The following CUBN variants were observed in gnomAD, a reference collection of about 807,000 sequenced individuals.
The protein encoded by CUBN is 460 kDa receptor.
In CUBN, 282 loss-of-function variants were observed where a neutral mutation model predicts 405.3. The observed-to-expected ratio is 0.70, with a 90% CI of 0.63 to 0.77. The LOEUF (loss-of-function observed/expected upper bound fraction) is 0.77. Among genes scored for constraint, CUBN ranks in the 30% least tolerant of loss-of-function variants. The probability of loss-of-function intolerance (pLI) is 0.00; values close to 1 mark genes in which losing one functional copy is unlikely to be tolerated. For synonymous variants in CUBN, 1,684 were observed against 1,617.0 expected, an observed-to-expected ratio of 1.04 and a Z score of -0.99; for missense variants, 4,514 against 4,475.2, an observed-to-expected ratio of 1.01 and a Z score of -0.25.
chr10:16,949,881 T>G (rs1430141047), intron 34 of CUBN, 120 bp downstream of exon 34: 4 of 775,518 alleles, frequency 5.2e-6, no homozygotes, highest in Non-Finnish European at 9.0e-6. Context: ...TTATTTGGCT[T>G]AGGCTGCTCT....
intron 56 of CUBN, among the ~76,000 whole-genome samples, chr10:16,885,444 T>A (rs2131391233): frequency 6.6e-6 from 1 of 152,270 alleles, no homozygotes; most frequent in Admixed American, 6.5e-5. Flanking sequence ...ATATAATAAA[T>A]ATATATTAGA....
rs1841364275 is a variant in CUBN at position 16,901,426 on chromosome 10, A to T, written c.8096T>A (p.Val2699Glu). 1 of 1,613,864 alleles carries T rather than the reference A, an allele frequency of 6.2e-7. No homozygotes were observed. ...CGGIQIGDSG[V>E]ITSPNYPNAY... ...ATTTGGATAGTTGGGGCTTGTGATC[A>T]CTCCACTGTCACCTATCTGTATTCC... is the stretch of plus-strand genomic sequence containing the variant. Residue 2699 changes from valine (V) to glutamate (E), a missense_variant, in exon 52 of 67, where the codon GTG (valine) becomes GAG (glutamate). Physicochemically the swap from Val to Glu is moderately radical, Grantham distance 121. This residue lies in a region of CUBN where 1,186 missense variants were observed against 1,186.9 expected (regional missense o/e 1.00). Transcript: ENST00000377833.
chr10:16,825,084 TA>T lies in CUBN; in HGVS notation c.10765-3del. 1 of 1,604,822 alleles carries T rather than the reference TA, an allele frequency of 6.2e-7. No homozygotes were observed. The highest frequency in any genetic ancestry group is 8.5e-7 in the Non-Finnish European group (1 of 1,172,508). On this transcript the variant is annotated splice_region_variant and splice_polypyrimidine_tract_variant and intron_variant, in intron 66 of 66. Coordinates refer to ENST00000377833, the MANE Select transcript of CUBN (RefSeq NM_001081.4). Reference sequence around the variant, plus strand: ...CACGAAGGGAGCTATGCTGGTGTCCTAAAATTGAAAAAAAAAGTATCCAATT... The same window carrying T: ...CACGAAGGGAGCTATGCTGGTGTCCTAAATTGAAAAAAAAAGTATCCAATT...
intron 14 of CUBN, among the ~76,000 whole-genome samples, chr10:17,099,470 GT>G (rs1186830453): frequency 2.0e-5 from 3 of 152,130 alleles, no homozygotes; most frequent in African/African-American, 7.2e-5. Flanking sequence ...TAAGACTCAT[GT>G]TTTTTAATCC....
At chr10:17,087,472 C>CTTTGTTTTTTT (rs1202786680) in intron 15 of CUBN, among the ~76,000 whole-genome samples, 1 of 71,712 alleles carries the variant, frequency 1.4e-5, no homozygotes. Context: ...TTTTCTTTTT[C>CTTTGTTTTTTT]TTTTTTTTTT....
intron 14 of CUBN, among the ~76,000 whole-genome samples, chr10:17,099,298 G>C (rs892955080): frequency 1.3e-5 from 2 of 152,010 alleles, no homozygotes; most frequent in Admixed American, 6.6e-5. Flanking sequence ...AAAGAAAATA[G>C]AATAATTAAA....
In CUBN at chr10:16,828,887, G is replaced by A; in HGVS notation, c.10682C>T (p.Pro3561Leu). 1 of 1,614,130 alleles carries A rather than the reference G, an allele frequency of 6.2e-7. No homozygotes were observed. The highest frequency in any genetic ancestry group is 1.3e-5 in the African/African-American group (1 of 75,026). The change falls in exon 66 of 67, where the codon CCA (proline) becomes CTA (leucine). Residue 3561 changes from proline (P) to leucine (L), a missense_variant. Around this residue, in one of 5 missense-constraint regions of CUBN, gnomAD observed 1,186 missense variants for 1,186.9 expected, o/e 1.00. Transcript: ENST00000377833. ...INFYFISIDD[P>L]GDCVQNYLTL... is the part of the protein sequence containing the mutation. ...GAGATAGTTCTGGACACAGTCTCCT[G>A]GATCGTCAATGCTGATGAAGTAGAA...
At chr10:17,037,645 T>C (rs1345990391) in intron 27 of CUBN, among the ~76,000 whole-genome samples, 1 of 152,138 alleles carries the variant, frequency 6.6e-6, no homozygotes, top group Non-Finnish European at 1.5e-5. Context: ...CAAGAGAACA[T>C]GCAAAGGAGT....
intron 54 of CUBN, among the ~76,000 whole-genome samples, chr10:16,895,080 T>C (rs1181987385): frequency 2.0e-5 from 3 of 152,206 alleles, no homozygotes; most frequent in East Asian, 1.9e-4. Context: ...CATTTTGGCC[T>C]GTTGTTTTAA....
intron 8 of CUBN, 148 bp from the exon 9 acceptor site, chr10:17,111,198 T>C (rs1836764817): frequency 5.4e-6 from 5 of 927,274 alleles, no homozygotes; most frequent in Admixed American, 4.6e-5. Flanking sequence ...AAAAGTTGTT[T>C]TGAATTCTTA....
Position 16,904,037 on chromosome 10 carries a change from T to C in CUBN, c.7991A>G (p.Gln2664Arg), listed in dbSNP as rs775815716. Residue 2664 changes from glutamine (Q) to arginine (R), a missense_variant, in exon 51 of 67, where the codon CAG becomes CGG. By Grantham distance (43) the Gln-to-Arg change is conservative. This residue lies in a region of CUBN where 1,186 missense variants were observed against 1,186.9 expected (regional missense o/e 1.00). Transcript: ENST00000377833. ...PTLPLVIPYS[Q>R]VWIHFVTNER... The stretch of plus-strand genomic sequence containing the variant: ...GTTGGTGACAAAGTGAATCCATACC[T>C]GAGAATAAGGTATAACCAATGGCAA... 6.2e-7 allele frequency: 1 copy of C among 1,613,414 alleles called. No homozygotes were observed. Among genetic ancestry groups the C allele is most frequent in the Non-Finnish European group, 8.5e-7 (1 of 1,179,378 alleles).
chr10:17,129,288 C>T (rs781739033), intron 1 of CUBN, 38 bp from the exon 2 acceptor site: 3 of 1,606,496 alleles, frequency 1.9e-6, no homozygotes, highest in African/African-American at 2.7e-5. Flanking sequence ...CAGTAATTAG[C>T]AAGTACAATT....
chr10:16,984,315 T>C, intron 29 of CUBN, 36 bp from the exon 30 acceptor site: 1 of 1,602,396 alleles, frequency 6.2e-7, no homozygotes, highest in Non-Finnish European at 8.5e-7. Context: ...CTTTAAAAAA[T>C]ATTTTAAGCA....
chr10:17,061,295 T>C (rs1835500359), intron 22 of CUBN, among the ~76,000 whole-genome samples: 1 of 152,148 alleles, frequency 6.6e-6, no homozygotes, highest in South Asian at 2.1e-4. Context: ...TCAGAGTCCT[T>C]GATAAACTAC....
chr10:16,889,953 A>AAAAAAAAAAAAAAAAAAAAAAAAAAAAAG lies in CUBN; in HGVS notation c.8755+417_8755+418insCTTTTTTTTTTTTTTTTTTTTTTTTTTTT, dbSNP rs57009841. ...GCCGTGTCAAAAAAAAAAAAAAAAA[A>AAAAAAAAAAAAAAAAAAAAAAAAAAAAAG]CAGGAAAGACTTCGTCATGGAAATT... On this transcript the variant is annotated intron_variant, in intron 55 of 66. Coordinates refer to ENST00000377833, the MANE Select transcript of CUBN (RefSeq NM_001081.4). Among the ~76,000 whole-genome samples the AAAAAAAAAAAAAAAAAAAAAAAAAAAAAG allele has an allele frequency of 5.1e-5, 6 of 118,012 alleles. 2 individuals carry two copies. The highest frequency in any genetic ancestry group is 2.5e-4 in the African/African-American group (6 of 23,836). 77.4% of individuals were successfully genotyped at this position (118,012 alleles called of 152,430 possible). A position where few individuals can be genotyped will look rare whatever the true frequency, so the allele number is the denominator to read the frequency against.
At chr10:16,912,028 A>G (rs868044178) in intron 48 of CUBN, among the ~76,000 whole-genome samples, 1 of 152,198 alleles carries the variant, frequency 6.6e-6, no homozygotes, top group Non-Finnish European at 1.5e-5. Context: ...AATTCAATCA[A>G]TAATAGGAAA....
intron 61 of CUBN, 104 bp from the exon 62 acceptor site, chr10:16,840,639 T>A (rs1349223117): frequency 5.0e-6 from 5 of 991,480 alleles, no homozygotes; most frequent in Non-Finnish European, 7.8e-6. Context: ...GGAGGAGCTA[T>A]ATTTTCATTA....
rs760184155 is a variant in CUBN at position 16,900,826 on chromosome 10, C to T, written c.8209G>A (p.Glu2737Lys). 2 of 1,613,528 alleles carry T rather than the reference C, an allele frequency of 1.2e-6. No homozygotes were observed. Among genetic ancestry groups the T allele is most frequent in the Non-Finnish European group, 1.7e-6 (2 of 1,179,758 alleles). Residue 2737 changes from glutamate to lysine, a missense_variant, in exon 53 of 67, where the codon GAA (glutamate) becomes AAA (lysine). Physicochemically the swap from Glu to Lys is moderately conservative, Grantham distance 56. Transcript: ENST00000377833. ...ITLTFSDFDI[E>K]PHTTCAWDSV... Reference sequence around the variant, plus strand: ...TCCCAAGCACAAGTTGTATGGGGTTCAATATCAAAGTCACTAAATGTGAGC... The same window carrying T: ...TCCCAAGCACAAGTTGTATGGGGTTTAATATCAAAGTCACTAAATGTGAGC...
intron 58 of CUBN, among the ~76,000 whole-genome samples, chr10:16,872,680 C>T (rs912858931): frequency 1.3e-5 from 2 of 152,086 alleles, no homozygotes; most frequent in Non-Finnish European, 2.9e-5. Context: ...TATAAGCCAC[C>T]CAGTTTATGA....
Sources: gnomAD v4.1 joint callset for allele counts (sites outside exome capture counted in the v4.1 genomes callset) on GRCh38, gnomAD v4.1.1 for gene constraint, gnomAD v4.1.1 regional missense constraint, MANE v1.5 for transcripts, NCBI Gene and HGNC (gene_info 2026-07-23, HGNC 2026-07-21) for gene names.